Variants in ZC3H12C observed in about 807,000 individuals in gnomAD.
ZC3H12C encodes the protein zinc finger CCCH-type containing 12C, also known as probable ribonuclease ZC3H12C.
ZC3H12C carries 20 observed loss-of-function variants against 76.3 expected under a neutral mutation model. The ratio of observed to expected loss-of-function variants is 0.26; its 90% confidence interval spans 0.18 to 0.38. The LOEUF (loss-of-function observed/expected upper bound fraction) is 0.38. ZC3H12C is among the 10% of genes least tolerant of loss of function. ZC3H12C has a pLI of 1.00. For missense variants in ZC3H12C, 874 were observed against 1,086.5 expected, an observed-to-expected ratio of 0.80 and a Z score of 2.75; for synonymous variants, 352 against 399.6, an observed-to-expected ratio of 0.88 and a Z score of 1.42.
intron 2 of ZC3H12C, among the ~76,000 whole-genome samples, chr11:110,140,654 G>A (rs549786677): frequency 5.3e-5 from 8 of 152,190 alleles, no homozygotes; most frequent in Non-Finnish European, 1.2e-4. Flanking sequence ...CTTTTGGGTA[G>A]TGAACCCAGG....
In ZC3H12C at chr11:110,171,688, A is replaced by G. The variant is rs1397378224; in HGVS notation, c.*5951A>G. The G allele has an allele frequency of 2.6e-5, 4 of 152,246 alleles. No homozygotes were observed. The allele number at this position is 152,246 out of a possible 1,614,324, so 9.4% of individuals were successfully genotyped here. A position where few individuals can be genotyped will look rare whatever the true frequency, so the allele number is the denominator to read the frequency against. On this transcript the variant is annotated 3_prime_UTR_variant, in exon 6 of 6. Transcript: ENST00000278590. ...ATGGCATCATAGATGCTAAATAAAT[A>G]AAAGCATCATACTTCTCTAGTTTGC...
intron 3 of ZC3H12C, among the ~76,000 whole-genome samples, chr11:110,158,913 AG>A (rs1284527205): frequency 6.6e-6 from 1 of 152,272 alleles, no homozygotes; most frequent in African/African-American, 2.4e-5. Context: ...ATGGCATTCA[AG>A]TAGGAACGTG....
intron 1 of ZC3H12C, among the ~76,000 whole-genome samples, chr11:110,113,821 C>A (rs896308364): frequency 2.6e-5 from 4 of 152,084 alleles, no homozygotes; most frequent in African/African-American, 4.8e-5. Flanking sequence ...TTTTTTTCTG[C>A]ATAACTTTAG....
At chr11:110,131,863 A>T (rs533546772) in intron 1 of ZC3H12C, 1 of 152,370 alleles carries the variant, frequency 6.6e-6, no homozygotes, top group South Asian at 2.1e-4. Flanking sequence ...GCATAAGTCT[A>T]TTGAAAGTTT....
At chr11:110,147,193 G>A (rs2134186456) in intron 2 of ZC3H12C, among the ~76,000 whole-genome samples, 2 of 152,214 alleles carry the variant, frequency 1.3e-5, no homozygotes, top group South Asian at 2.1e-4. Context: ...AGAGCACCTC[G>A]GCAAATGTTT....
At chr11:110,096,999 A>G (rs186314853) in intron 1 of ZC3H12C, among the ~76,000 whole-genome samples, 110 of 152,378 alleles carry the variant, frequency 7.2e-4, no homozygotes, top group African/African-American at 2.6e-3. Context: ...ATTGATTTTT[A>G]TAACTTTTCT....
chr11:110,142,628 T>A (rs952462189), intron 2 of ZC3H12C, among the ~76,000 whole-genome samples: 3 of 152,316 alleles, frequency 2.0e-5, no homozygotes, highest in African/African-American at 7.2e-5. Flanking sequence ...GTACTGCTGT[T>A]GAGCTCATAA....
At position 110,136,778 on chromosome 11, in the gene ZC3H12C, A is replaced by G. The variant is rs756171326; in HGVS notation, c.137A>G (p.Tyr46Cys). Residue 46 changes from tyrosine to cysteine, a missense_variant, in exon 2 of 6, where the codon TAT becomes TGT. Physicochemically the swap from Tyr to Cys is radical, Grantham distance 194. Coordinates refer to ENST00000278590, the MANE Select transcript of ZC3H12C (RefSeq NM_033390.2). ...CTAGGGCATGACCTCGGCCACCTTT[A>G]TGTGGAGAGCACTGACCCACAGTTA... is the stretch of plus-strand genomic sequence containing the variant. ...DHLGHDLGHL[Y>C]VESTDPQLSP... 9.3e-6 allele frequency: 15 copies of G among 1,613,886 alleles called. No homozygotes were observed. The Admixed American group carries it at 2.0e-4, about 22-fold the overall frequency.
chr11:110,164,351 T>C lies in ZC3H12C; in HGVS notation c.1266T>C (p.Cys422=). 6.2e-7 allele frequency: 1 copy of C among 1,609,288 alleles called. No individual in the cohort carries two copies. Among genetic ancestry groups the C allele is most frequent in the Non-Finnish European group, 8.5e-7 (1 of 1,177,938 alleles). ...KKQPCPYGKK[C]TYGHKCKYYH... ...TTTTACTCTTCTTAGGAAAGAAGTG[T>C]ACCTATGGACACAAGTGCAAATATT... The change falls in exon 6 of 6, where the codon TGT becomes TGC. Residue 422 remains cysteine, a synonymous_variant. Coordinates refer to ENST00000278590, the MANE Select transcript of ZC3H12C (RefSeq NM_033390.2). This position sits in a 1 kb window ranked among gnomAD's most constrained non-coding sequence, Gnocchi z 5.7.
rs1242062772 is a variant in ZC3H12C, at chr11:110,168,651, C to T, written c.*2914C>T. ...TGACTGTGCTTTACACAGTAACTAG[C>T]CAGTCTGTTGTCTCTGTGTCTTAGT... On this transcript the variant is annotated 3_prime_UTR_variant, in exon 6 of 6. Transcript: ENST00000278590. 6.6e-6 allele frequency: 1 copy of T among 152,154 alleles called. No homozygotes were observed. The highest frequency in any genetic ancestry group is 1.5e-5 in the Non-Finnish European group (1 of 67,992). The allele number at this position is 152,154 out of a possible 1,614,324, so 9.4% of individuals were successfully genotyped here.
rs1862586032 is a variant in ZC3H12C at position 110,166,419 on chromosome 11, TA to T, written c.*684del. On this transcript the variant is annotated 3_prime_UTR_variant, in exon 6 of 6. Transcript: ENST00000278590. Reference sequence around the variant, plus strand: ...TTTTTGTTTGGATTTTTTTTTCTGTTAAGAAATTAGTTAATTTAATATGGTC... The same window carrying T: ...TTTTTGTTTGGATTTTTTTTTCTGTTAGAAATTAGTTAATTTAATATGGTC... 6.6e-6 allele frequency: 1 copy of T among 152,200 alleles called. No homozygotes were observed. Among genetic ancestry groups the T allele is most frequent in the Admixed American group, 6.5e-5 (1 of 15,286 alleles). The allele number at this position is 152,200 out of a possible 1,614,324, so 9.4% of individuals were successfully genotyped here. A position where few individuals can be genotyped will look rare whatever the true frequency, so the allele number is the denominator to read the frequency against.
At chr11:110,124,923 G>A (rs1264950745) in intron 1 of ZC3H12C, among the ~76,000 whole-genome samples, 1 of 152,082 alleles carries the variant, frequency 6.6e-6, no homozygotes, top group Admixed American at 6.6e-5. Flanking sequence ...ATCTAAGCCT[G>A]GGGGAATAAA....
At chr11:110,151,226 A>C (rs1327690247) in intron 2 of ZC3H12C, among the ~76,000 whole-genome samples, 1 of 152,176 alleles carries the variant, frequency 6.6e-6, no homozygotes, top group Non-Finnish European at 1.5e-5. Context: ...TGAAAGTAAA[A>C]GTTATTTAAT....
intron 2 of ZC3H12C, among the ~76,000 whole-genome samples, chr11:110,145,724 C>G (rs923989351): frequency 2.6e-5 from 4 of 152,072 alleles, no homozygotes; most frequent in African/African-American, 9.7e-5. Flanking sequence ...TGGAAGATCC[C>G]CAGCACATAC....
In ZC3H12C at chr11:110,153,690, C is replaced by A. The variant is rs181435921; in HGVS notation, c.913+632C>A. ...CTTCACTAGCTATGAAGACTTTGAG[C>A]CACACAATGAACCCCTTTGGGCCCC... On this transcript the variant is annotated intron_variant, in intron 3 of 5. Transcript: ENST00000278590. Among the ~76,000 whole-genome samples, 187 of 152,196 alleles carry A rather than the reference C, an allele frequency of 1.2e-3. 3 individuals are homozygous for A. Among genetic ancestry groups the A allele is most frequent in the Non-Finnish European group, 2.5e-4 (17 of 68,020 alleles).
At chr11:110,150,528 A>C (rs559313209) in intron 2 of ZC3H12C, among the ~76,000 whole-genome samples, 59 of 152,268 alleles carry the variant, frequency 3.9e-4, no homozygotes, top group African/African-American at 1.3e-3. Flanking sequence ...ATTGTGGTGA[A>C]AGAGTGTATT....
chr11:110,101,484 G>T (rs1156374543), intron 1 of ZC3H12C, among the ~76,000 whole-genome samples: 1 of 152,070 alleles, frequency 6.6e-6, no homozygotes, highest in African/African-American at 2.4e-5. Flanking sequence ...TGCAGCTGGT[G>T]ACTTTGAGTT....
At chr11:110,150,743 A>G (rs1184655096) in intron 2 of ZC3H12C, among the ~76,000 whole-genome samples, 1 of 151,994 alleles carries the variant, frequency 6.6e-6, no homozygotes, top group African/African-American at 2.4e-5. Context: ...TTCTTCTGTC[A>G]ATTAGTATGG....
In ZC3H12C at chr11:110,164,649, G is replaced by C. The variant is rs757239149; in HGVS notation, c.1564G>C (p.Val522Leu). ...GGAAACCAGGTCTGTACCTTCCTTA[G>C]TTAGCATCCCAGCTACTTCTACTGC... is the stretch of plus-strand genomic sequence containing the variant. ...KLETRSVPSL[V>L]SIPATSTAKP... The change falls in exon 6 of 6, where the codon GTT (valine) becomes CTT (leucine). Residue 522 changes from valine to leucine, a missense_variant. Val to Leu is a conservative substitution (Grantham distance 32). Coordinates refer to ENST00000278590, the MANE Select transcript of ZC3H12C (RefSeq NM_033390.2). This position sits in a 1 kb window ranked among gnomAD's most constrained non-coding sequence, Gnocchi z 5.7. 40 of 1,613,878 alleles carry C rather than the reference G, an allele frequency of 2.5e-5. No homozygotes were observed. In the East Asian group the frequency reaches 8.5e-4, roughly 34 times the overall value.
Sources: gnomAD v4.1 joint callset for allele counts (sites outside exome capture counted in the v4.1 genomes callset) on GRCh38, gnomAD v4.1.1 for gene constraint, Gnocchi (gnomAD v3.1) non-coding constraint, MANE v1.5 for transcripts, NCBI Gene and HGNC (gene_info 2026-07-23, HGNC 2026-07-21) for gene names.